Variants in SLC24A3 observed in about 807,000 individuals in gnomAD.
The protein encoded by SLC24A3 is sodium/potassium/calcium exchanger 3.
A neutral mutation model predicts 75.8 loss-of-function variants in SLC24A3; 28 were observed. That is an observed-to-expected ratio of 0.37 (90% confidence interval 0.27 to 0.51). The LOEUF (loss-of-function observed/expected upper bound fraction) is 0.51, where lower values mean the gene tolerates loss of function less well. Among genes scored for constraint, SLC24A3 ranks in the 20% least tolerant of loss-of-function variants. The probability of loss-of-function intolerance (pLI) is 0.94; values close to 1 mark genes in which losing one functional copy is unlikely to be tolerated. For missense variants in SLC24A3, 663 were observed against 847.8 expected (o/e 0.78, Z 2.71); for synonymous variants, 372 against 334.1 (o/e 1.11, Z -1.24).
At chr20:19,484,011 G>A (rs1988094729) in intron 2 of SLC24A3, among the ~76,000 whole-genome samples, 1 of 152,138 alleles carries the variant, frequency 6.6e-6, no homozygotes, top group African/African-American at 2.4e-5. Context: ...CAAAAGCAGG[G>A]TCTTGAAGAG....
intron 6 of SLC24A3, among the ~76,000 whole-genome samples, chr20:19,638,528 G>C (rs527850140): frequency 3.9e-5 from 6 of 152,288 alleles, no homozygotes; most frequent in South Asian, 4.2e-4. Flanking sequence ...TGGAGTGAGG[G>C]AGAGGAGAAG....
intron 2 of SLC24A3, among the ~76,000 whole-genome samples, chr20:19,456,702 C>T (rs938698947): frequency 1.3e-5 from 2 of 152,236 alleles, no homozygotes; most frequent in African/African-American, 4.8e-5. Context: ...AGCAATGGCT[C>T]AGACATCCAC....
At chr20:19,425,733 C>T (rs1338005207) in intron 2 of SLC24A3, among the ~76,000 whole-genome samples, 1 of 152,064 alleles carries the variant, frequency 6.6e-6, no homozygotes, top group Non-Finnish European at 1.5e-5. Flanking sequence ...AGAGAAACTC[C>T]CACCACACAC....
intron 5 of SLC24A3, 40 bp from the exon 6 acceptor site, chr20:19,585,399 CAG>C: frequency 6.3e-7 from 1 of 1,586,324 alleles, no homozygotes. Flanking sequence ...TGGAATGCAA[CAG>C]GGCCACAACA....
At chr20:19,252,112 A>C (rs946990117) in intron 1 of SLC24A3, among the ~76,000 whole-genome samples, 7 of 152,112 alleles carry the variant, frequency 4.6e-5, no homozygotes, top group Non-Finnish European at 7.4e-5. Context: ...ACCAAAGACA[A>C]CACAGAGTGT....
At chr20:19,625,628 A>G (rs2031857301) in intron 6 of SLC24A3, among the ~76,000 whole-genome samples, 1 of 152,188 alleles carries the variant, frequency 6.6e-6, no homozygotes, top group African/African-American at 2.4e-5. Context: ...TTTCTAAGGG[A>G]TGGAGTTGCA....
At chr20:19,233,087 G>C (rs149404317) in intron 1 of SLC24A3, among the ~76,000 whole-genome samples, 363 of 152,312 alleles carry the variant, frequency 2.4e-3, no homozygotes, top group African/African-American at 8.5e-3. Flanking sequence ...CTTCTTGACA[G>C]TTGCTTCGGT....
chr20:19,602,285 G>C (rs1021259359), intron 6 of SLC24A3, among the ~76,000 whole-genome samples: 23 of 152,180 alleles, frequency 1.5e-4, no homozygotes, highest in African/African-American at 5.5e-4. Flanking sequence ...CTTTTCTAGA[G>C]TCCCCTGAAA....
chr20:19,569,697 G>A (rs930516512), intron 3 of SLC24A3, among the ~76,000 whole-genome samples: 1 of 151,808 alleles, frequency 6.6e-6, no homozygotes, highest in Non-Finnish European at 1.5e-5. Flanking sequence ...GCTCTCCAGG[G>A]TCTGGCGGCA....
chr20:19,541,296 A>C (rs998885375), intron 3 of SLC24A3, among the ~76,000 whole-genome samples: 11 of 152,202 alleles, frequency 7.2e-5, no homozygotes, highest in Admixed American at 3.3e-4. Context: ...AAGATGTTGG[A>C]GCTATCCTAA....
intron 3 of SLC24A3, among the ~76,000 whole-genome samples, chr20:19,578,140 T>C (rs1296946706): frequency 6.6e-6 from 1 of 152,176 alleles, no homozygotes; most frequent in African/African-American, 2.4e-5. Context: ...GAAGGACAGT[T>C]GCAAGTGACA....
intron 3 of SLC24A3, among the ~76,000 whole-genome samples, chr20:19,554,332 C>G (rs2030749114): frequency 6.6e-6 from 1 of 151,944 alleles, no homozygotes; most frequent in African/African-American, 2.4e-5. Flanking sequence ...AAAAATTTTA[C>G]TTCAGAAGTA....
At chr20:19,686,245 G>A (rs181969484) in intron 12 of SLC24A3, among the ~76,000 whole-genome samples, 24 of 152,280 alleles carry the variant, frequency 1.6e-4, no homozygotes, top group South Asian at 8.3e-4. Context: ...GCACCTAGCC[G>A]GGAGAGCTGT....
intron 2 of SLC24A3, among the ~76,000 whole-genome samples, chr20:19,331,152 T>C (rs1984989019): frequency 6.6e-6 from 1 of 152,170 alleles, no homozygotes; most frequent in African/African-American, 2.4e-5. Flanking sequence ...ATCGGGTCAA[T>C]TGACAGTTTG....
At chr20:19,373,901 C>T (rs1011368968) in intron 2 of SLC24A3, among the ~76,000 whole-genome samples, 23 of 152,074 alleles carry the variant, frequency 1.5e-4, no homozygotes, top group Non-Finnish European at 1.8e-4. Context: ...TGTCTATCTA[C>T]GAACCCTAGA....
At chr20:19,553,866 C>A (rs548150113) in intron 3 of SLC24A3, among the ~76,000 whole-genome samples, 27 of 152,212 alleles carry the variant, frequency 1.8e-4, no homozygotes, top group African/African-American at 6.5e-4. Flanking sequence ...CCAGCCTGTG[C>A]ATTTTTTGGG....
chr20:19,438,867 G>C (rs1987252927), intron 2 of SLC24A3, among the ~76,000 whole-genome samples: 1 of 152,222 alleles, frequency 6.6e-6, no homozygotes, highest in East Asian at 1.9e-4. Flanking sequence ...TCCCCACAGG[G>C]TAGGCAATAT....
At chr20:19,570,366 C>T (rs1441552354) in intron 3 of SLC24A3, among the ~76,000 whole-genome samples, 1 of 152,188 alleles carries the variant, frequency 6.6e-6, no homozygotes, top group Non-Finnish European at 1.5e-5. Context: ...GGTGGGGACA[C>T]AGAGCCAAAC....
At chr20:19,666,421 G>A (rs933980828) in intron 8 of SLC24A3, among the ~76,000 whole-genome samples, 2 of 152,036 alleles carry the variant, frequency 1.3e-5, no homozygotes, top group Admixed American at 1.3e-4. Flanking sequence ...CAGGAGAATG[G>A]CATGAACCTA....
Sources: gnomAD v4.1 joint callset for allele counts (sites outside exome capture counted in the v4.1 genomes callset) on GRCh38, gnomAD v4.1.1 for gene constraint, MANE v1.5 for transcripts, NCBI Gene and HGNC (gene_info 2026-07-23, HGNC 2026-07-21) for gene names.